Variants in MBTD1 observed in about 807,000 individuals in gnomAD.
MBTD1 encodes mbt domain containing 1.
In MBTD1, 24 loss-of-function variants were observed where a neutral mutation model predicts 87.8. The observed-to-expected ratio is 0.27, with a 90% CI of 0.20 to 0.38. The LOEUF is 0.38. Among genes scored for constraint, MBTD1 ranks in the 10% least tolerant of loss-of-function variants. MBTD1 has a pLI of 1.00. For synonymous variants in MBTD1, 237 were observed against 248.6 expected (o/e 0.95, Z 0.44); for missense variants, 436 against 760.2 (o/e 0.57, Z 5.02).
intron 12 of MBTD1, 34 bp from the exon 13 acceptor site, chr17:51,195,395 T>A (rs1267395729): frequency 6.6e-7 from 1 of 1,509,320 alleles, no homozygotes. Context: ...GTACTTGAAA[T>A]TAGATACCAC....
intron 16 of MBTD1, among the ~76,000 whole-genome samples, chr17:51,188,049 T>C (rs886578127): frequency 2.6e-5 from 4 of 152,182 alleles, no homozygotes; most frequent in Non-Finnish European, 5.9e-5. Flanking sequence ...TAAGCTGTTA[T>C]TGAGTAGATT....
At chr17:51,182,464 A>G (rs954237538) in intron 16 of MBTD1, among the ~76,000 whole-genome samples, 1 of 152,116 alleles carries the variant, frequency 6.6e-6, no homozygotes, top group Admixed American at 6.6e-5. Flanking sequence ...CATTTGACTG[A>G]ATATTTCGAT....
chr17:51,191,438 A>G (rs1319474845), intron 16 of MBTD1: 1 of 149,782 alleles, frequency 6.7e-6, no homozygotes, highest in African/African-American at 2.5e-5. Flanking sequence ...ATTTTTTAGT[A>G]TAGAAAGCAT....
At chr17:51,219,147 G>A in intron 4 of MBTD1, 103 bp from the exon 5 acceptor site, 1 of 615,752 alleles carries the variant, frequency 1.6e-6, no homozygotes, top group Non-Finnish European at 2.9e-6. Context: ...AAACATTGAG[G>A]GTTTAGAAAA....
At chr17:51,196,491 C>T (rs556822709) in intron 12 of MBTD1, among the ~76,000 whole-genome samples, 6 of 152,024 alleles carry the variant, frequency 3.9e-5, no homozygotes, top group South Asian at 4.2e-4. Context: ...GGCTGCCCCC[C>T]CTTTTTAAAA....
rs372555308 is a variant in MBTD1 at position 51,224,795 on chromosome 17, CT to C, written c.154+212del. ...TATCCACATGAAGTTTCTCACTGGC[CT>C]TTTTTTGTTGTTGTTGTATTTGCTT... is the stretch of plus-strand genomic sequence containing the variant. On this transcript the variant is annotated intron_variant, in intron 3 of 16. Coordinates refer to ENST00000586178, the MANE Select transcript of MBTD1 (RefSeq NM_017643.3). Among the ~76,000 whole-genome samples the C allele has an allele frequency of 3.1e-4, 47 of 152,226 alleles. No individual in the cohort carries two copies. The South Asian group carries it at 8.3e-3, about 27-fold the overall frequency.
chr17:51,197,101 T>G (rs1230422894), intron 12 of MBTD1, among the ~76,000 whole-genome samples: 2 of 29,202 alleles, frequency 6.8e-5, no homozygotes, highest in East Asian at 2.1e-3. Flanking sequence ...TATATATATA[T>G]ATATATATAT....
At chr17:51,216,836 A>G (rs2052598191) in intron 6 of MBTD1, among the ~76,000 whole-genome samples, 1 of 152,154 alleles carries the variant, frequency 6.6e-6, no homozygotes, top group Admixed American at 6.5e-5. Context: ...CTCCTGCCTC[A>G]TTCTCCCAAG....
intron 2 of MBTD1, among the ~76,000 whole-genome samples, chr17:51,242,636 T>C (rs150715907): frequency 9.3e-4 from 141 of 152,300 alleles, no homozygotes; most frequent in Non-Finnish European, 1.6e-3. Context: ...ACTGGGAAGA[T>C]CACCCTTCTT....
At chr17:51,235,190 C>T (rs150350382) in intron 2 of MBTD1, among the ~76,000 whole-genome samples, 2 of 152,000 alleles carry the variant, frequency 1.3e-5, no homozygotes, top group Admixed American at 6.6e-5. Flanking sequence ...GGCTGGAGTG[C>T]AGCGGTGACA....
chr17:51,233,531 AGT>A (rs1038994801), intron 2 of MBTD1, among the ~76,000 whole-genome samples: 3 of 152,148 alleles, frequency 2.0e-5, no homozygotes, highest in African/African-American at 7.2e-5. Flanking sequence ...TCAAAAAGCG[AGT>A]GTGTGTGTAT....
intron 2 of MBTD1, among the ~76,000 whole-genome samples, chr17:51,241,352 C>A (rs577431317): frequency 6.6e-6 from 1 of 152,200 alleles, no homozygotes; most frequent in Non-Finnish European, 1.5e-5. Context: ...AATAAGCAAT[C>A]TATGGGGAGA....
At position 51,179,518 on chromosome 17, in the gene MBTD1, ATATATATATATATATATATG is replaced by A. The variant is rs2050226725; in HGVS notation, c.*1038_*1057del. On this transcript the variant is annotated 3_prime_UTR_variant, in exon 17 of 17. Transcript: ENST00000586178. ...TATATATATATATATATATATATAT[ATATATATATATATATATATG>A]GAATTTTAAGAAAATTAAATTCTCT... 9.9e-6 allele frequency: 1 copy of A among 100,628 alleles called. No individual in the cohort carries two copies. The highest frequency in any genetic ancestry group is 2.2e-5 in the Non-Finnish European group (1 of 46,260). The allele number at this position is 100,628 out of a possible 1,614,324, so 6.2% of individuals were successfully genotyped here.
Position 51,203,120 on chromosome 17 carries a change from T to C in MBTD1, c.828+20A>G, listed in dbSNP as rs2051591423. 4 of 1,578,380 alleles carry C rather than the reference T, an allele frequency of 2.5e-6. No homozygotes were observed. The African/African-American group carries it at 4.1e-5, about 16-fold the overall frequency. ...TTGTTTTTTAGAGCTCTTCAGTCTT[T>C]ATAAGATCCTGTTTTTTACCTTTTG... On this transcript the variant is annotated intron_variant, in intron 9 of 16. Transcript: ENST00000586178.
chr17:51,248,726 G>A (rs537411992), intron 2 of MBTD1, among the ~76,000 whole-genome samples: 2 of 152,014 alleles, frequency 1.3e-5, no homozygotes, highest in African/African-American at 2.4e-5. Flanking sequence ...AGTAATACTC[G>A]TCAATGTATC....
intron 5 of MBTD1, among the ~76,000 whole-genome samples, chr17:51,218,515 C>G (rs2052703020): frequency 8.4e-6 from 1 of 118,992 alleles, no homozygotes; most frequent in South Asian, 2.8e-4. Context: ...AGTGACAGAG[C>G]AAGACTCTGT....
rs763195037 is a variant in MBTD1, at chr17:51,180,701, GA to G, written c.1769-8del. 13 of 1,433,640 alleles carry G rather than the reference GA, an allele frequency of 9.1e-6. No homozygotes were observed. The Admixed American group carries it at 2.4e-4, about 26-fold the overall frequency. The allele number at this position is 1,433,640 out of a possible 1,614,324, so 88.8% of individuals were successfully genotyped here. A position where few individuals can be genotyped will look rare whatever the true frequency, so the allele number is the denominator to read the frequency against. ...TTCAGCTGCAGTGTTGTCACTGAAT[GA>G]AAGAGAGAGAAACATATGGGCATTA... On this transcript the variant is annotated splice_region_variant and splice_polypyrimidine_tract_variant and intron_variant, in intron 16 of 16. Coordinates refer to ENST00000586178, the MANE Select transcript of MBTD1 (RefSeq NM_017643.3).
In MBTD1 at chr17:51,218,938, G is replaced by C; in HGVS notation, c.395C>G (p.Thr132Arg). ...YQATLQNQAK[T>R]KAAVSMEGFS... ...AGATTCACCAATATTACCTGCTTTT[G>C]TCTTTGCTTGATTTTGCAAGGTAGC... The change falls in exon 5 of 17, where the codon ACA (threonine) becomes AGA (arginine). Residue 132 changes from threonine to arginine, a missense_variant. Around this residue, in one of 5 missense-constraint regions of MBTD1, gnomAD observed 268 missense variants for 401.8 expected, o/e 0.67. Transcript: ENST00000586178. The C allele has an allele frequency of 3.9e-6, 6 of 1,541,324 alleles. No individual in the cohort carries two copies. Among genetic ancestry groups the C allele is most frequent in the Non-Finnish European group, 5.3e-6 (6 of 1,137,888 alleles).
chr17:51,260,611 G>T (rs753733021), upstream of MBTD1: 1 of 1,612,558 alleles, frequency 6.2e-7, no homozygotes, highest in Non-Finnish European at 8.5e-7. Context: ...GGAGACGAAT[G>T]AAACTGGACC....
Sources: gnomAD v4.1 joint callset for allele counts (sites outside exome capture counted in the v4.1 genomes callset) on GRCh38, gnomAD v4.1.1 for gene constraint, gnomAD v4.1.1 regional missense constraint, MANE v1.5 for transcripts, NCBI Gene and HGNC (gene_info 2026-07-23, HGNC 2026-07-21) for gene names.